DDRGK1: variants seen among roughly 807,000 people sequenced by gnomAD.
DDRGK1 encodes DDRGK domain containing 1, also known as DDRGK domain-containing protein 1.
In DDRGK1, 38 loss-of-function variants were observed where a neutral mutation model predicts 45.8. The observed-to-expected ratio is 0.83, with a 90% CI of 0.64 to 1.09. The LOEUF (loss-of-function observed/expected upper bound fraction) is 1.09, where lower values mean the gene tolerates loss of function less well. Among genes scored for constraint, DDRGK1 ranks in the 50% least tolerant of loss-of-function variants. The pLI is 0.00. For synonymous variants in DDRGK1, 171 were observed against 168.7 expected, an observed-to-expected ratio of 1.01 and a Z score of -0.11; for missense variants, 403 against 419.9, an observed-to-expected ratio of 0.96 and a Z score of 0.35.
chr20:3,201,739 GCAC>G (rs748910108), intron 2 of DDRGK1, among the ~76,000 whole-genome samples: 65 of 150,504 alleles, frequency 4.3e-4, no homozygotes, highest in Admixed American at 1.1e-3. Context: ...CTCGCTGCAA[GCAC>G]CACCTCCTGG....
rs1438065503 is a variant in DDRGK1 at position 3,195,313 on chromosome 20, C to T, written c.551G>A (p.Arg184Gln). Residue 184 changes from arginine (R) to glutamine (Q), a missense_variant, in exon 5 of 9, where the codon CGG becomes CAG. Coordinates refer to ENST00000354488, the MANE Select transcript of DDRGK1 (RefSeq NM_023935.3). ...ERKAREEQAQREHEEYLKLKE... is the reference protein window; with the variant it reads ...ERKAREEQAQQEHEEYLKLKE... ...CAGTTTCAGGTACTCCTCATGCTCC[C>T]GCTGGGCCTGCTCCTCGCGGGCCTT... is the stretch of plus-strand genomic sequence containing the variant. 5.6e-6 allele frequency: 9 copies of T among 1,612,252 alleles called. No homozygotes were observed. The highest frequency in any genetic ancestry group is 2.2e-5 in the East Asian group (1 of 44,864).
rs1217273520 is a variant in DDRGK1 at position 3,191,190 on chromosome 20, C to T, written c.778G>A (p.Gly260Ser). 2 of 1,614,180 alleles carry T rather than the reference C, an allele frequency of 1.2e-6. No individual in the cohort carries two copies. Among genetic ancestry groups the T allele is most frequent in the Non-Finnish European group, 1.7e-6 (2 of 1,180,020 alleles). The change falls in exon 8 of 9, where the codon GGT becomes AGT. Residue 260 changes from glycine to serine, a missense_variant and splice_region_variant. Physicochemically the swap from Gly to Ser is moderately conservative, Grantham distance 56. Coordinates refer to ENST00000354488, the MANE Select transcript of DDRGK1 (RefSeq NM_023935.3). ...QDLLAEGTIT[G>S]VIDDRGKFIY... ...CAGTGATTGGCTCTCATCATCTCAC[C>T]TGTTATAGTCCCCTCAGCCAGCAGG...
intron 4 of DDRGK1, among the ~76,000 whole-genome samples, chr20:3,195,643 A>G (rs899179184): frequency 2.0e-5 from 3 of 151,436 alleles, no homozygotes; most frequent in African/African-American, 4.9e-5. Context: ...CCATGACCCC[A>G]CTCTACAATA....
At chr20:3,199,253 T>C (rs2067025522) in intron 4 of DDRGK1, among the ~76,000 whole-genome samples, 1 of 152,186 alleles carries the variant, frequency 6.6e-6, no homozygotes, top group Non-Finnish European at 1.5e-5. Flanking sequence ...AGGTAGGACG[T>C]TAAGGATAAG....
chr20:3,203,839 C>T (rs570203147), intron 1 of DDRGK1, among the ~76,000 whole-genome samples: 9 of 152,334 alleles, frequency 5.9e-5, no homozygotes, highest in Non-Finnish European at 1.2e-4. Context: ...TGGATCTCCG[C>T]CTTCCCTCAG....
Position 3,200,018 on chromosome 20 carries a change from G to A in DDRGK1, c.493C>T (p.Leu165=), listed in dbSNP as rs552178501. The stretch of plus-strand genomic sequence containing the variant: ...GGCCTCACCTTCTGCTCCTCCTCCA[G>A]GCGAAGCCGCTCCTCCTCCTTCTTC... ...EWKKEEERLR[L]EEEQKEEEER... Residue 165 remains leucine (L), a synonymous_variant, in exon 4 of 9, where the codon CTG becomes TTG. Transcript: ENST00000354488. 1 of 1,612,678 alleles carries A rather than the reference G, an allele frequency of 6.2e-7. No individual in the cohort carries two copies. The highest frequency in any genetic ancestry group is 1.1e-5 in the South Asian group (1 of 90,816).
rs772855890 is a variant in DDRGK1, at chr20:3,204,666, AGGCCG to A, written c.-44_-40del. The A allele has an allele frequency of 3.2e-6, 5 of 1,545,016 alleles. No individual in the cohort carries two copies. Among genetic ancestry groups the A allele is most frequent in the Non-Finnish European group, 3.5e-6 (4 of 1,148,698 alleles). ...GTGCAGAACCACTGCGTCCACCCTG[AGGCCG>A]GGATCTCATAGGCCCCGCCCCTATT... On this transcript the variant is annotated 5_prime_UTR_variant, in exon 1 of 9. Transcript: ENST00000354488.
intron 2 of DDRGK1, among the ~76,000 whole-genome samples, chr20:3,201,652 G>GT (rs1255300852): frequency 3.3e-5 from 5 of 149,878 alleles, no homozygotes; most frequent in East Asian, 2.0e-4. Flanking sequence ...AGAGAGGGTT[G>GT]TTTTTTTTGG....
chr20:3,196,269 T>C (rs2067009273), intron 4 of DDRGK1, among the ~76,000 whole-genome samples: 1 of 152,158 alleles, frequency 6.6e-6, no homozygotes, highest in Non-Finnish European at 1.5e-5. Flanking sequence ...ACCCCTTCTT[T>C]CTCTAACTTC....
intron 2 of DDRGK1, among the ~76,000 whole-genome samples, chr20:3,200,705 C>T (rs1436115088): frequency 6.6e-6 from 1 of 152,078 alleles, no homozygotes; most frequent in Non-Finnish European, 1.5e-5. Flanking sequence ...AGGCCGGGCA[C>T]GGTGGCTGAA....
chr20:3,191,566 G>GA lies in DDRGK1; in HGVS notation c.729+198_729+199insT, dbSNP rs766720081. The GA allele has an allele frequency of 2.1e-4, 145 of 696,716 alleles. No individual in the cohort carries two copies. The African/African-American group carries it at 2.2e-3, about 11-fold the overall frequency. 43.2% of individuals were successfully genotyped at this position (696,716 alleles called of 1,614,324 possible). The stretch of plus-strand genomic sequence containing the variant: ...GGGCTGGCAGAGTGATGGGGTTTGG[G>GA]TTTTTTTTTTCTTTCCTGCCTGTTC... On this transcript the variant is annotated intron_variant, in intron 7 of 8. Coordinates refer to ENST00000354488, the MANE Select transcript of DDRGK1 (RefSeq NM_023935.3).
In DDRGK1 at chr20:3,190,588, G is replaced by T. The variant is rs1282655965; in HGVS notation, c.*65C>A. 4 of 1,573,800 alleles carry T rather than the reference G, an allele frequency of 2.5e-6. No individual in the cohort carries two copies. The East Asian group carries it at 9.0e-5, about 35-fold the overall frequency. On this transcript the variant is annotated 3_prime_UTR_variant, in exon 9 of 9. Transcript: ENST00000354488. The stretch of plus-strand genomic sequence containing the variant: ...ACCATCACTTCCCCAGGATGGTGGG[G>T]AGGGATGAAGATGTATAGCCAGGTA...
In DDRGK1 at chr20:3,203,378, C is replaced by A. The variant is rs866848622; in HGVS notation, c.130G>T (p.Ala44Ser). ...GGCCCAGGCTGGGCCACCCGGCCTG[C>A]TCCTGCCAGCTCCTCATTGTGCAGT... ...EPLHNEELAGAGRVAQPGPLE... is the reference protein window; with the variant it reads ...EPLHNEELAGSGRVAQPGPLE... Residue 44 changes from alanine (A) to serine (S), a missense_variant, in exon 2 of 9, where the codon GCA becomes TCA. Coordinates refer to ENST00000354488, the MANE Select transcript of DDRGK1 (RefSeq NM_023935.3). 1 of 1,601,860 alleles carries A rather than the reference C, an allele frequency of 6.2e-7. No homozygotes were observed. The highest frequency in any genetic ancestry group is 1.7e-4 in the Middle Eastern group (1 of 5,996).
intron 8 of DDRGK1, 124 bp from the exon 9 acceptor site, chr20:3,190,943 T>C: frequency 1.4e-6 from 2 of 1,407,044 alleles, no homozygotes; most frequent in Non-Finnish European, 1.9e-6. Context: ...GCCTGGACTT[T>C]CCTGGCTGCA....
Position 3,190,663 on chromosome 20 carries a change from G to A in DDRGK1, c.935C>T (p.Ala312Val). Residue 312 changes from alanine to valine, a missense_variant, in exon 9 of 9, where the codon GCC becomes GTC. Physicochemically the swap from Ala to Val is moderately conservative, Grantham distance 64. Transcript: ENST00000354488. The part of the protein sequence containing the change: ...IAWGRESPAQ[A>V]PA Reference sequence around the variant, plus strand: ...AGGGAAGGACTGGGGTCAGGCTGGGGCTTGGGCAGGGGACTCCCGGCCCCA... The same window carrying A: ...AGGGAAGGACTGGGGTCAGGCTGGGACTTGGGCAGGGGACTCCCGGCCCCA... 2 of 1,613,788 alleles carry A rather than the reference G, an allele frequency of 1.2e-6. No individual in the cohort carries two copies.
chr20:3,203,154 G>A, intron 2 of DDRGK1, 59 bp downstream of exon 2: 2 of 1,426,140 alleles, frequency 1.4e-6, no homozygotes, highest in South Asian at 1.5e-5. Flanking sequence ...AGCTTTGGGG[G>A]CCCTTTTATC....
At chr20:3,195,401 A>AGGCACCTGTTCT (rs2067006098) in intron 4 of DDRGK1, 48 bp from the exon 5 acceptor site, 1 of 1,544,148 alleles carries the variant, frequency 6.5e-7, no homozygotes, top group Non-Finnish European at 8.7e-7. Context: ...AGAACAGGGC[A>AGGCACCTGTTCT]GGCACCTGTT....
intron 5 of DDRGK1, 64 bp downstream of exon 5, chr20:3,195,167 T>C (rs1471011018): frequency 1.9e-6 from 3 of 1,610,006 alleles, no homozygotes; most frequent in Non-Finnish European, 2.5e-6. Context: ...GTGGCTAGCC[T>C]TGCGTCTGGC....
At position 3,195,539 on chromosome 20, in the gene DDRGK1, ATC is replaced by A. The variant is rs561429972; in HGVS notation, c.511-188_511-187del. 5.9e-4 allele frequency among the ~76,000 whole-genome samples: 90 copies of A among 152,080 alleles called. 2 individuals carry two copies. The South Asian group carries it at 0.015, about 26-fold the overall frequency. On this transcript the variant is annotated intron_variant, in intron 4 of 8. Coordinates refer to ENST00000354488, the MANE Select transcript of DDRGK1 (RefSeq NM_023935.3). ...ACCATGGGCCGAGGCCCCTCTTGTCATCGGTTTCATCATCACCTGGACAAATG... is the reference window on the plus strand; with the variant it reads ...ACCATGGGCCGAGGCCCCTCTTGTCAGGTTTCATCATCACCTGGACAAATG...
Sources: allele counts gnomAD v4.1 joint callset (sites outside exome capture counted in the v4.1 genomes callset), GRCh38; gene constraint gnomAD v4.1.1; transcripts MANE v1.5; gene names NCBI Gene and HGNC (gene_info 2026-07-23, HGNC 2026-07-21).